TGFB1: variants seen among roughly 807,000 people sequenced by gnomAD.
The protein encoded by TGFB1 is transforming growth factor beta-1 proprotein.
In TGFB1, 19 loss-of-function variants were observed where a neutral mutation model predicts 43.8. The observed-to-expected ratio is 0.43, with a 90% CI of 0.30 to 0.64. The LOEUF (loss-of-function observed/expected upper bound fraction) is 0.64. Among genes scored for constraint, TGFB1 ranks in the 30% least tolerant of loss-of-function variants. TGFB1 has a pLI of 0.11. For synonymous variants in TGFB1, 221 were observed against 236.3 expected, an observed-to-expected ratio of 0.94 and a Z score of 0.60; for missense variants, 445 against 529.8, an observed-to-expected ratio of 0.84 and a Z score of 1.57.
chr19:41,339,124 G>GT (rs774315156), intron 5 of TGFB1, among the ~76,000 whole-genome samples: 3 of 126,592 alleles, frequency 2.4e-5, no homozygotes, highest in Admixed American at 1.6e-4. Context: ...ATTCAGGTTT[G>GT]ATTTTTTTTT....
rs1488032495 is a variant in TGFB1 at position 41,352,897 on chromosome 19, G to A, written c.148C>T (p.Arg50Cys). Reference sequence around the variant, plus strand: ...CGCAGCTTGGACAGGATCTGGCCGCGGATGGCCTCGATGCGCTTCCGCTTC... The same window carrying A: ...CGCAGCTTGGACAGGATCTGGCCGCAGATGGCCTCGATGCGCTTCCGCTTC... The part of the protein sequence containing the change: ...LVKRKRIEAI[R>C]GQILSKLRLA... The change falls in exon 1 of 7, where the codon CGC (arginine) becomes TGC (cysteine). Residue 50 changes from arginine to cysteine, a missense_variant. By Grantham distance (180) the Arg-to-Cys change is radical. Around this residue, in one of 3 missense-constraint regions of TGFB1, gnomAD observed 366 missense variants for 428.8 expected, o/e 0.85. Coordinates refer to ENST00000221930, the MANE Select transcript of TGFB1 (RefSeq NM_000660.7). 8 of 1,560,904 alleles carry A rather than the reference G, an allele frequency of 5.1e-6. No homozygotes were observed. Among genetic ancestry groups the A allele is most frequent in the Non-Finnish European group, 6.9e-6 (8 of 1,153,802 alleles).
intron 5 of TGFB1, among the ~76,000 whole-genome samples, chr19:41,334,393 GAAAGA>G (rs889750542): frequency 4.4e-5 from 6 of 137,160 alleles, no homozygotes; most frequent in East Asian, 2.5e-4. Context: ...AAAGAAAAAA[GAAAGA>G]AAAGAAAAGA....
chr19:41,336,527 AG>A lies in TGFB1; in HGVS notation c.861-4247del, dbSNP rs568224965. Reference sequence around the variant, plus strand: ...CAGCCTCCTGAGTAGCTGGGACAAAAGGTACACACCACCAGGCCCAGCTACT... The same window carrying A: ...CAGCCTCCTGAGTAGCTGGGACAAAAGTACACACCACCAGGCCCAGCTACT... On this transcript the variant is annotated intron_variant, in intron 5 of 6. Transcript: ENST00000221930. 2.1e-3 allele frequency among the ~76,000 whole-genome samples: 317 copies of A among 151,862 alleles called. 2 individuals are homozygous for A. Among genetic ancestry groups the A allele is most frequent in the Admixed American group, 3.3e-3 (51 of 15,230 alleles).
At chr19:41,343,330 C>A (rs1895806286) in intron 3 of TGFB1, among the ~76,000 whole-genome samples, 1 of 152,060 alleles carries the variant, frequency 6.6e-6, no homozygotes, top group South Asian at 2.1e-4. Flanking sequence ...GACGGGGTTT[C>A]TCCATGTTGG....
At chr19:41,348,542 G>A in intron 1 of TGFB1, 87 bp from the exon 2 acceptor site, 1 of 1,354,692 alleles carries the variant, frequency 7.4e-7, no homozygotes. Context: ...TTTTGGAGCT[G>A]ACAGCTCTGG....
intron 1 of TGFB1, among the ~76,000 whole-genome samples, chr19:41,349,972 CTG>C (rs2038164290): frequency 6.6e-6 from 1 of 151,928 alleles, no homozygotes; most frequent in African/African-American, 2.4e-5. Context: ...ATTCCAGAGA[CTG>C]TGCTTTTTTT....
chr19:41,346,796 G>A lies in TGFB1; in HGVS notation c.516+1499C>T, dbSNP rs563401675. On this transcript the variant is annotated intron_variant, in intron 2 of 6. Transcript: ENST00000221930. ...GCTGGAGTGCAGTGGTATGATCTCC[G>A]CTCACTGCAGTCTCCACCTCCTGGG... is the stretch of plus-strand genomic sequence containing the variant. Among the ~76,000 whole-genome samples, 23 of 152,122 alleles carry A rather than the reference G, an allele frequency of 1.5e-4. 1 individual carries two copies. The highest frequency in any genetic ancestry group is 2.4e-4 in the African/African-American group (10 of 41,490).
chr19:41,350,048 A>G (rs938020379), intron 1 of TGFB1, among the ~76,000 whole-genome samples: 4 of 151,556 alleles, frequency 2.6e-5, no homozygotes, highest in African/African-American at 9.7e-5. Flanking sequence ...TAGCACAACC[A>G]TGGCTCACGG....
chr19:41,351,380 G>A (rs2038191635), intron 1 of TGFB1, among the ~76,000 whole-genome samples: 2 of 152,240 alleles, frequency 1.3e-5, no homozygotes, highest in African/African-American at 4.8e-5. Context: ...TGCCGACGGG[G>A]CCGGCTGAGT....
At chr19:41,338,600 AG>A (rs1319076368) in intron 5 of TGFB1, among the ~76,000 whole-genome samples, 1 of 151,868 alleles carries the variant, frequency 6.6e-6, no homozygotes, top group Admixed American at 6.6e-5. Flanking sequence ...GCACTTTGGG[AG>A]GCTGAGGTGG....
intron 2 of TGFB1, among the ~76,000 whole-genome samples, chr19:41,347,323 C>T (rs941877737): frequency 2.0e-5 from 3 of 152,078 alleles, no homozygotes; most frequent in Non-Finnish European, 4.4e-5. Context: ...ATGCCTGGCC[C>T]TAAATTTTTA....
chr19:41,331,592 T>A (rs1266651746), intron 6 of TGFB1, among the ~76,000 whole-genome samples: 1 of 129,588 alleles, frequency 7.7e-6, no homozygotes, highest in Admixed American at 7.7e-5. Context: ...TTTTTTTTTT[T>A]TGGTAGAGAT....
chr19:41,339,275 CAGCT>C lies in TGFB1; in HGVS notation c.860+2604_860+2607del, dbSNP rs1272258088. On this transcript the variant is annotated intron_variant, in intron 5 of 6. Transcript: ENST00000221930. ...GGACTACAGGCACACACCACCCAGC[CAGCT>C]AGTTTTTTTGTATTTCTTGTACAGA... 5.9e-5 allele frequency among the ~76,000 whole-genome samples: 9 copies of C among 152,100 alleles called. No individual in the cohort carries two copies. The East Asian group carries it at 1.6e-3, about 26-fold the overall frequency.
intron 5 of TGFB1, among the ~76,000 whole-genome samples, chr19:41,333,170 C>T (rs1320633523): frequency 1.3e-5 from 2 of 151,740 alleles, no homozygotes; most frequent in Non-Finnish European, 2.9e-5. Context: ...GATACCCACT[C>T]CAGCTTGTTC....
rs1356083041 is a variant in TGFB1 at position 41,330,996 on chromosome 19, G to C, written c.*56C>G. 5.6e-6 allele frequency: 8 copies of C among 1,434,014 alleles called. No homozygotes were observed. In the African/African-American group the frequency reaches 1.2e-4, roughly 21 times the overall value. 88.8% of individuals were successfully genotyped at this position (1,434,014 alleles called of 1,614,324 possible). ...TACAGCCCCCATGGGCAAGGCAGCG[G>C]GGGCGGGGCGGGGTGGGGCCGGGCC... On this transcript the variant is annotated 3_prime_UTR_variant, in exon 7 of 7. Transcript: ENST00000221930.
chr19:41,348,344 C>T lies in TGFB1; in HGVS notation c.467G>A (p.Arg156His). 1 of 1,613,630 alleles carries T rather than the reference C, an allele frequency of 6.2e-7. No individual in the cohort carries two copies. The highest frequency in any genetic ancestry group is 8.5e-7 in the Non-Finnish European group (1 of 1,179,860). The change falls in exon 2 of 7, where the codon CGT becomes CAT. Residue 156 changes from arginine (R) to histidine (H), a missense_variant. Physicochemically the swap from Arg to His is conservative, Grantham distance 29. Around this residue, in one of 3 missense-constraint regions of TGFB1, gnomAD observed 366 missense variants for 428.8 expected, o/e 0.85. Transcript: ENST00000221930. ...CACTTTTAACTTGAGCCTCAGCAGA[C>T]GCAGCTCTGCCCGGGAGAGCAACAC... ...EPVLLSRAELRLLRLKLKVEQ... is the reference protein window; with the variant it reads ...EPVLLSRAELHLLRLKLKVEQ...
intron 1 of TGFB1, among the ~76,000 whole-genome samples, chr19:41,349,462 G>A (rs553274147): frequency 1.3e-4 from 20 of 152,274 alleles, no homozygotes; most frequent in Admixed American, 1.2e-3. Context: ...TCATGTATAC[G>A]TCTAAGAGTG....
At chr19:41,339,919 C>T (rs2038035635) in intron 5 of TGFB1, among the ~76,000 whole-genome samples, 1 of 151,576 alleles carries the variant, frequency 6.6e-6, no homozygotes, top group Non-Finnish European at 1.5e-5. Context: ...GATTTTCTGG[C>T]AGGGAAACAG....
chr19:41,338,323 A>G (rs548807139), intron 5 of TGFB1, among the ~76,000 whole-genome samples: 103 of 151,146 alleles, frequency 6.8e-4, no homozygotes, highest in African/African-American at 2.0e-3. Flanking sequence ...GTGAAACCCC[A>G]CCTCTACTAA....
Sources: gnomAD v4.1 joint callset for allele counts (sites outside exome capture counted in the v4.1 genomes callset) on GRCh38, gnomAD v4.1.1 for gene constraint, gnomAD v4.1.1 regional missense constraint, MANE v1.5 for transcripts, NCBI Gene and HGNC (gene_info 2026-07-23, HGNC 2026-07-21) for gene names.